DPP10: variants seen among roughly 807,000 people sequenced by gnomAD.
DPP10 encodes dipeptidyl peptidase like 10, also known as inactive dipeptidyl peptidase 10.
A neutral mutation model predicts 120.9 loss-of-function variants in DPP10; 33 were observed. The ratio of observed to expected loss-of-function variants is 0.27; its 90% CI spans 0.21 to 0.37. The LOEUF (loss-of-function observed/expected upper bound fraction) is 0.37. DPP10 is among the 10% of genes least tolerant of loss of function. DPP10 has a pLI of 1.00. For missense variants in DPP10, 816 were observed against 942.8 expected (o/e 0.87, Z 1.76); for synonymous variants, 337 against 326.1 (o/e 1.03, Z -0.36).
intron 1 of DPP10, among the ~76,000 whole-genome samples, chr2:114,495,617 G>A (rs565494988): frequency 6.6e-6 from 1 of 152,080 alleles, no homozygotes; most frequent in African/African-American, 2.4e-5. Flanking sequence ...CATTGCAAAG[G>A]GAGGTTTTAT....
chr2:114,826,047 C>A (rs1207225435), intron 1 of DPP10, among the ~76,000 whole-genome samples: 1 of 152,162 alleles, frequency 6.6e-6, no homozygotes, highest in Non-Finnish European at 1.5e-5. Flanking sequence ...AGGCAGATAG[C>A]AAAGCATCTG....
chr2:114,669,554 G>T (rs72955616), intron 1 of DPP10, among the ~76,000 whole-genome samples: 1 of 151,928 alleles, frequency 6.6e-6, no homozygotes, highest in Admixed American at 6.6e-5. Context: ...TGAATTGATG[G>T]CACCCTAATA....
chr2:114,520,604 C>T (rs1684970612), intron 1 of DPP10, among the ~76,000 whole-genome samples: 1 of 152,160 alleles, frequency 6.6e-6, no homozygotes, highest in Non-Finnish European at 1.5e-5. Flanking sequence ...ACATTTTTAC[C>T]TTGCTTCTCT....
chr2:114,509,526 G>A (rs1683960974), intron 1 of DPP10, among the ~76,000 whole-genome samples: 1 of 152,166 alleles, frequency 6.6e-6, no homozygotes, highest in Admixed American at 6.5e-5. Flanking sequence ...TTTCCCCAAG[G>A]TCTCTGATGG....
intron 3 of DPP10, among the ~76,000 whole-genome samples, chr2:115,423,398 ATATTT>A (rs2070161727): frequency 6.6e-6 from 1 of 152,136 alleles, no homozygotes; most frequent in Non-Finnish European, 1.5e-5. Context: ...GCATAAGAAG[ATATTT>A]TAAATGCTAA....
chr2:115,807,610 C>A (rs1686144944), intron 19 of DPP10, among the ~76,000 whole-genome samples: 1 of 152,050 alleles, frequency 6.6e-6, no homozygotes, highest in South Asian at 2.1e-4. Context: ...AAAATAGTAT[C>A]AAATTCCCTT....
intron 5 of DPP10, among the ~76,000 whole-genome samples, chr2:115,557,767 G>C (rs1287597571): frequency 6.6e-6 from 1 of 152,116 alleles, no homozygotes; most frequent in African/African-American, 2.4e-5. Flanking sequence ...AAAAAGAAAG[G>C]CCTACTCCTA....
At chr2:114,630,000 AC>A (rs1290029206) in intron 1 of DPP10, among the ~76,000 whole-genome samples, 5 of 152,138 alleles carry the variant, frequency 3.3e-5, no homozygotes, top group Non-Finnish European at 7.4e-5. Context: ...AAAACACCAT[AC>A]TATAAGACCA....
chr2:114,905,151 T>A (rs1693864619), intron 1 of DPP10, among the ~76,000 whole-genome samples: 1 of 152,154 alleles, frequency 6.6e-6, no homozygotes, highest in Non-Finnish European at 1.5e-5. Flanking sequence ...TTCTAATAAT[T>A]TCTTTATATT....
At chr2:114,884,526 A>G (rs1488699780) in intron 1 of DPP10, among the ~76,000 whole-genome samples, 1 of 151,486 alleles carries the variant, frequency 6.6e-6, no homozygotes, top group African/African-American at 2.4e-5. Context: ...CACCAATCTG[A>G]CTCTTACTCC....
chr2:115,456,665 A>G (rs1232799636), intron 3 of DPP10, among the ~76,000 whole-genome samples: 1 of 152,170 alleles, frequency 6.6e-6, no homozygotes, highest in Non-Finnish European at 1.5e-5. Context: ...TTGGAGGGAC[A>G]TGGATGAAGC....
intron 8 of DPP10, among the ~76,000 whole-genome samples, chr2:115,728,872 A>G (rs1481830809): frequency 6.6e-6 from 1 of 152,132 alleles, no homozygotes; most frequent in Non-Finnish European, 1.5e-5. Context: ...GCTCTAATAA[A>G]CCGTATATTT....
At chr2:115,683,185 A>T (rs2149479515) in intron 5 of DPP10, among the ~76,000 whole-genome samples, 1 of 152,142 alleles carries the variant, frequency 6.6e-6, no homozygotes, top group Non-Finnish European at 1.5e-5. Context: ...CTATCAAGGC[A>T]TGAAAACACA....
intron 1 of DPP10, chr2:114,835,392 A>T (rs1214108069): frequency 2.0e-5 from 3 of 152,060 alleles, no homozygotes; most frequent in Non-Finnish European, 4.4e-5. Context: ...TTTATATATA[A>T]GCCATATTTA....
At chr2:115,632,533 A>G (rs1189444021) in intron 5 of DPP10, among the ~76,000 whole-genome samples, 1 of 152,200 alleles carries the variant, frequency 6.6e-6, no homozygotes, top group Non-Finnish European at 1.5e-5. Flanking sequence ...CAAGGCAGGC[A>G]TGATGGTGAC....
intron 17 of DPP10, among the ~76,000 whole-genome samples, chr2:115,790,240 C>T (rs916987580): frequency 4.6e-5 from 7 of 151,490 alleles, no homozygotes; most frequent in South Asian, 4.2e-4. Context: ...CCACCGCGCC[C>T]GGCTAATTTT....
chr2:115,190,101 C>G (rs2054761984), intron 1 of DPP10, among the ~76,000 whole-genome samples: 1 of 152,162 alleles, frequency 6.6e-6, no homozygotes, highest in African/African-American at 2.4e-5. Context: ...GCTGGTAGCC[C>G]CTAATTGCTC....
At chr2:115,435,316 C>G (rs988516546) in intron 3 of DPP10, among the ~76,000 whole-genome samples, 1 of 151,718 alleles carries the variant, frequency 6.6e-6, no homozygotes, top group East Asian at 1.9e-4. Context: ...CAGTGTGCAA[C>G]AGTGTGCGAG....
intron 3 of DPP10, among the ~76,000 whole-genome samples, chr2:115,370,906 A>C (rs2065367497): frequency 6.6e-6 from 1 of 152,092 alleles, no homozygotes; most frequent in South Asian, 2.1e-4. Context: ...GAGATAAACA[A>C]ACTGTATAAA....
Sources: gnomAD v4.1 joint callset for allele counts (sites outside exome capture counted in the v4.1 genomes callset) on GRCh38, gnomAD v4.1.1 for gene constraint, MANE v1.5 for transcripts, NCBI Gene and HGNC (gene_info 2026-07-23, HGNC 2026-07-21) for gene names.